Variants in MYO3A observed in about 807,000 individuals in gnomAD.
MYO3A encodes the protein myosin-IIIa.
MYO3A carries 180 observed loss-of-function variants against 192.7 expected under a neutral mutation model. That is an observed-to-expected ratio of 0.93 (90% confidence interval 0.83 to 1.06). MYO3A has a LOEUF of 1.06. Ranked by LOEUF, MYO3A falls within the 50% of genes least tolerant of loss-of-function variation. The pLI, the probability that MYO3A is intolerant of heterozygous loss-of-function variation, is 0.00. For synonymous variants in MYO3A, 628 were observed against 645.3 expected, an observed-to-expected ratio of 0.97 and a Z score of 0.41; for missense variants, 1,896 against 1,905.0, an observed-to-expected ratio of 1.00 and a Z score of 0.09.
intron 34 of MYO3A, among the ~76,000 whole-genome samples, chr10:26,205,501 A>G (rs1286681125): frequency 2.7e-5 from 4 of 147,240 alleles, no homozygotes; most frequent in African/African-American, 5.1e-5. Flanking sequence ...TCCATGTATA[A>G]GTGAGATCAT....
chr10:26,046,710 C>G (rs72795809), intron 10 of MYO3A, among the ~76,000 whole-genome samples: 24,750 of 152,174 alleles, frequency 0.16, 2,311 homozygotes, highest in Non-Finnish European at 0.21. Context: ...CTGATTTAGC[C>G]TGAAAAATTT....
chr10:25,970,346 T>G (rs895786762), intron 4 of MYO3A, among the ~76,000 whole-genome samples: 1 of 151,724 alleles, frequency 6.6e-6, no homozygotes, highest in African/African-American at 2.4e-5. Flanking sequence ...AAAAACAAAC[T>G]TTAGGTCAGA....
intron 34 of MYO3A, among the ~76,000 whole-genome samples, chr10:26,209,116 A>T (rs1844106682): frequency 6.6e-6 from 1 of 152,224 alleles, no homozygotes. Context: ...ACAGTAGCAG[A>T]TAACAGACAC....
At chr10:26,091,531 G>C (rs1451943354) in intron 15 of MYO3A, among the ~76,000 whole-genome samples, 1 of 152,166 alleles carries the variant, frequency 6.6e-6, no homozygotes, top group African/African-American at 2.4e-5. Flanking sequence ...AGCATTGATT[G>C]CATTTCTCTG....
At chr10:26,209,008 T>C (rs886416743) in intron 34 of MYO3A, among the ~76,000 whole-genome samples, 5 of 152,176 alleles carry the variant, frequency 3.3e-5, no homozygotes, top group African/African-American at 1.2e-4. Flanking sequence ...TCCCTAAAAA[T>C]TCCTTATGCC....
chr10:26,173,151 C>T (rs1191915736), intron 29 of MYO3A, among the ~76,000 whole-genome samples: 5 of 151,820 alleles, frequency 3.3e-5, no homozygotes, highest in African/African-American at 7.3e-5. Flanking sequence ...GAAATTTTGG[C>T]CACCGTATTA....
At chr10:26,197,796 C>A (rs1843484293) in intron 32 of MYO3A, among the ~76,000 whole-genome samples, 1 of 152,224 alleles carries the variant, frequency 6.6e-6, no homozygotes, top group South Asian at 2.1e-4. Context: ...AAACTCCTGA[C>A]CTCAGGTGAT....
chr10:26,093,759 C>A (rs992105687), intron 15 of MYO3A, among the ~76,000 whole-genome samples: 5 of 152,118 alleles, frequency 3.3e-5, no homozygotes, highest in African/African-American at 1.2e-4. Context: ...CAAAGACATA[C>A]CTCTCCCCCT....
At chr10:25,986,471 G>A (rs7094435) in intron 4 of MYO3A, among the ~76,000 whole-genome samples, 14,506 of 152,206 alleles carry the variant, frequency 0.095, 1,221 homozygotes, top group African/African-American at 0.22. Context: ...AGACTCATCC[G>A]AAAAGCTCCT....
intron 7 of MYO3A, among the ~76,000 whole-genome samples, chr10:26,020,432 C>A (rs1170496586): frequency 1.3e-5 from 2 of 152,142 alleles, no homozygotes; most frequent in African/African-American, 4.8e-5. Flanking sequence ...TTCTAGTGTG[C>A]CCACACATGG....
intron 17 of MYO3A, among the ~76,000 whole-genome samples, chr10:26,097,774 T>A (rs1837144148): frequency 6.6e-6 from 1 of 152,220 alleles, no homozygotes; most frequent in Non-Finnish European, 1.5e-5. Flanking sequence ...ATTTTCTTAA[T>A]CCAGTCTATC....
chr10:26,193,600 A>G (rs1354184265), intron 32 of MYO3A, among the ~76,000 whole-genome samples: 1 of 152,228 alleles, frequency 6.6e-6, no homozygotes, highest in Non-Finnish European at 1.5e-5. Context: ...CAACTCAGAA[A>G]GAGAAACCCA....
intron 20 of MYO3A, among the ~76,000 whole-genome samples, chr10:26,128,910 A>T (rs1481112887): frequency 6.6e-6 from 1 of 152,220 alleles, no homozygotes; most frequent in Non-Finnish European, 1.5e-5. Context: ...ATATCCAGCT[A>T]AAAGCCATTA....
intron 4 of MYO3A, among the ~76,000 whole-genome samples, chr10:25,960,854 G>C (rs1177393875): frequency 1.7e-4 from 26 of 152,218 alleles, no homozygotes; most frequent in Non-Finnish European, 1.5e-5. Context: ...AACCCTTGTT[G>C]TTTAAGGGTC....
chr10:25,970,840 C>T (rs1034047846), intron 4 of MYO3A, among the ~76,000 whole-genome samples: 1 of 151,758 alleles, frequency 6.6e-6, no homozygotes, highest in African/African-American at 2.4e-5. Flanking sequence ...TTGGGTCTTT[C>T]TGGAAAGACA....
intron 6 of MYO3A, among the ~76,000 whole-genome samples, chr10:26,005,728 T>C (rs1025719592): frequency 1.3e-5 from 2 of 152,122 alleles, no homozygotes; most frequent in African/African-American, 4.8e-5. Context: ...TAGTTGAATG[T>C]TATGAATCTT....
At chr10:26,110,600 T>A (rs1838104313) in intron 17 of MYO3A, among the ~76,000 whole-genome samples, 1 of 152,104 alleles carries the variant, frequency 6.6e-6, no homozygotes, top group Non-Finnish European at 1.5e-5. Context: ...GTCTGAGAGT[T>A]GAAAGAAAAT....
At chr10:26,111,985 A>G (rs1401519001) in intron 17 of MYO3A, among the ~76,000 whole-genome samples, 6 of 152,178 alleles carry the variant, frequency 3.9e-5, no homozygotes, top group Admixed American at 3.3e-4. Context: ...AGCAAGGATC[A>G]TTTTTAATTG....
At chr10:25,951,952 C>T in intron 2 of MYO3A, 142 bp from the exon 3 acceptor site, 1 of 622,832 alleles carries the variant, frequency 1.6e-6, no homozygotes, top group Non-Finnish European at 2.8e-6. Flanking sequence ...ATTCAAATTT[C>T]CTGTGACTCT....
Sources: gnomAD v4.1 joint callset for allele counts (sites outside exome capture counted in the v4.1 genomes callset) on GRCh38, gnomAD v4.1.1 for gene constraint, MANE v1.5 for transcripts, NCBI Gene and HGNC (gene_info 2026-07-23, HGNC 2026-07-21) for gene names.